SPEF2: variants seen among roughly 807,000 people sequenced by gnomAD.
SPEF2 encodes sperm flagella and cilia-associated protein 2.
In SPEF2, 187 loss-of-function variants were observed where a neutral mutation model predicts 224.6. That is an observed-to-expected ratio of 0.83 (90% CI 0.74 to 0.94). SPEF2 has a LOEUF of 0.94. Ranked by LOEUF, SPEF2 falls within the 40% of genes least tolerant of loss-of-function variation. The pLI is 0.00. For missense variants in SPEF2, 2,170 were observed against 2,135.6 expected (o/e 1.02, Z -0.32); for synonymous variants, 715 against 707.3 (o/e 1.01, Z -0.17).
chr5:35,748,451 GAA>G (rs1748904631), intron 23 of SPEF2, among the ~76,000 whole-genome samples: 1 of 152,048 alleles, frequency 6.6e-6, no homozygotes, highest in Non-Finnish European at 1.5e-5. Flanking sequence ...AAAGAAGAGA[GAA>G]AATCCAAATA....
At chr5:35,681,767 T>A (rs78909119) in intron 10 of SPEF2, among the ~76,000 whole-genome samples, 3,516 of 152,250 alleles carry the variant, frequency 0.023, 137 homozygotes, top group African/African-American at 0.08. Flanking sequence ...TTTTTTTGTT[T>A]GTTTTATGGG....
chr5:35,689,341 C>T (rs1446894166), intron 10 of SPEF2, among the ~76,000 whole-genome samples: 1 of 151,868 alleles, frequency 6.6e-6, no homozygotes, highest in Admixed American at 6.6e-5. Flanking sequence ...AAAATTATAC[C>T]ATGCAATATA....
chr5:35,683,413 T>C (rs939469134), intron 10 of SPEF2, among the ~76,000 whole-genome samples: 2 of 152,106 alleles, frequency 1.3e-5, no homozygotes, highest in Non-Finnish European at 2.9e-5. Context: ...TCGTTTGAGT[T>C]CAGGAGTTCG....
chr5:35,779,417 C>A, intron 30 of SPEF2, 71 bp downstream of exon 30: 1 of 1,198,844 alleles, frequency 8.3e-7, no homozygotes, highest in Non-Finnish European at 1.2e-6. Context: ...AATCACTTGC[C>A]AACAAGTAAA....
chr5:35,646,677 A>C lies in SPEF2; in HGVS notation c.596A>C (p.Asn199Thr). 5.6e-6 allele frequency: 9 copies of C among 1,613,610 alleles called. No individual in the cohort carries two copies. The highest frequency in any genetic ancestry group is 6.8e-6 in the Non-Finnish European group (8 of 1,179,734). ...ATATGGGATATTCAGCAATACTTAA[A>C]CAGAAGACGACAAAATGAAATAATG... Reference protein sequence around the residue: ...RCFDIEKQYLNRRRQNEIMAK... With the variant: ...RCFDIEKQYLTRRRQNEIMAK... The change falls in exon 5 of 37, where the codon AAC becomes ACC. Residue 199 changes from asparagine to threonine, a missense_variant. Transcript: ENST00000356031.
chr5:35,624,664 G>A (rs773951838), intron 1 of SPEF2, among the ~76,000 whole-genome samples: 1 of 152,018 alleles, frequency 6.6e-6, no homozygotes, highest in Non-Finnish European at 1.5e-5. Flanking sequence ...TTGAGACGGA[G>A]TCTTGCTCTG....
chr5:35,687,883 G>A (rs1342083374), intron 10 of SPEF2, among the ~76,000 whole-genome samples: 6 of 151,696 alleles, frequency 4.0e-5, no homozygotes, highest in Non-Finnish European at 5.9e-5. Context: ...TGTTAATTCC[G>A]TTGATTTTGT....
intron 10 of SPEF2, among the ~76,000 whole-genome samples, chr5:35,682,516 A>G (rs1387251436): frequency 1.3e-5 from 2 of 152,196 alleles, no homozygotes; most frequent in African/African-American, 4.8e-5. Flanking sequence ...AACATACCAA[A>G]TTGGGAACAT....
At chr5:35,654,123 G>A (rs1748616686) in intron 6 of SPEF2, among the ~76,000 whole-genome samples, 2 of 151,664 alleles carry the variant, frequency 1.3e-5, no homozygotes, top group Non-Finnish European at 2.9e-5. Flanking sequence ...AGCCTGGCGT[G>A]GTGGCACATG....
chr5:35,770,958 G>A (rs1752752412), intron 26 of SPEF2, among the ~76,000 whole-genome samples: 1 of 152,074 alleles, frequency 6.6e-6, no homozygotes, highest in Admixed American at 6.6e-5. Flanking sequence ...TCAGTCTTTT[G>A]GGGGTGATAT....
At chr5:35,643,509 T>C (rs1374612134) in intron 3 of SPEF2, 1 of 456,016 alleles carries the variant, frequency 2.2e-6, no homozygotes, top group South Asian at 1.5e-5. Context: ...ACCTAGAGAC[T>C]GGGGCCACTT....
intron 8 of SPEF2, among the ~76,000 whole-genome samples, chr5:35,664,580 T>C (rs1037733555): frequency 6.6e-6 from 1 of 152,024 alleles, no homozygotes; most frequent in Non-Finnish European, 1.5e-5. Context: ...CTTGGGAGGC[T>C]GAGGCAGGAG....
intron 29 of SPEF2, among the ~76,000 whole-genome samples, chr5:35,777,824 T>C (rs1753805826): frequency 6.6e-6 from 1 of 152,126 alleles, no homozygotes; most frequent in Non-Finnish European, 1.5e-5. Context: ...GCGCATCTGT[T>C]TTAGTATCCT....
chr5:35,681,133 G>A (rs1221444949), intron 10 of SPEF2, among the ~76,000 whole-genome samples: 1 of 152,082 alleles, frequency 6.6e-6, no homozygotes, highest in African/African-American at 2.4e-5. Context: ...TTTCCAATAA[G>A]CCTAAAGTTT....
intron 34 of SPEF2, among the ~76,000 whole-genome samples, chr5:35,801,037 G>C (rs190006172): frequency 6.6e-6 from 1 of 152,204 alleles, no homozygotes; most frequent in Non-Finnish European, 1.5e-5. Flanking sequence ...TGGACAGAAA[G>C]ATCTCCTTCC....
At chr5:35,740,648 T>A (rs550825340) in intron 23 of SPEF2, among the ~76,000 whole-genome samples, 2 of 152,284 alleles carry the variant, frequency 1.3e-5, no homozygotes, top group South Asian at 2.1e-4. Context: ...AATGAGGGAA[T>A]GACATGGAAA....
intron 26 of SPEF2, among the ~76,000 whole-genome samples, chr5:35,768,693 G>A (rs561332295): frequency 5.9e-5 from 9 of 152,186 alleles, no homozygotes; most frequent in East Asian, 1.9e-4. Context: ...AGAAAGCATA[G>A]GAAAATGGAC....
At position 35,705,663 on chromosome 5, in the gene SPEF2, C is replaced by T. The variant is rs747726378; in HGVS notation, c.2520C>T (p.Phe840=). 163 of 1,581,268 alleles carry T rather than the reference C, an allele frequency of 1.0e-4. 1 individual carries two copies. The highest frequency in any genetic ancestry group is 1.4e-4 in the Non-Finnish European group (160 of 1,170,550). Reference sequence around the variant, plus strand: ...TTTGATTTTGCAGAATTATAGGCTTCTTGGACAACTGGCCTTTATTGGAGC... The same window carrying T: ...TTTGATTTTGCAGAATTATAGGCTTTTTGGACAACTGGCCTTTATTGGAGC... The part of the protein sequence containing the change: ...RDQIQHRIIG[F]LDNWPLLEQW... The change falls in exon 18 of 37, where the codon TTC becomes TTT. Residue 840 remains phenylalanine, a synonymous_variant. Transcript: ENST00000356031.
intron 6 of SPEF2, among the ~76,000 whole-genome samples, chr5:35,652,848 G>A (rs1460736686): frequency 6.6e-6 from 1 of 151,912 alleles, no homozygotes; most frequent in Non-Finnish European, 1.5e-5. Flanking sequence ...TATAAGAATT[G>A]ATGACAAGTC....
Sources: gnomAD v4.1 joint callset for allele counts (sites outside exome capture counted in the v4.1 genomes callset) on GRCh38, gnomAD v4.1.1 for gene constraint, MANE v1.5 for transcripts, NCBI Gene and HGNC (gene_info 2026-07-23, HGNC 2026-07-21) for gene names.